Variants in DLAT observed in about 807,000 individuals in gnomAD.
DLAT encodes dihydrolipoamide S-acetyltransferase.
Under a neutral mutation model 68.0 loss-of-function variants are expected in DLAT, and 43 were observed. The ratio of observed to expected loss-of-function variants is 0.63; its 90% CI spans 0.50 to 0.81. The LOEUF is 0.81. DLAT is among the 40% of genes least tolerant of loss of function. DLAT has a pLI of 0.00. For synonymous variants in DLAT, 265 were observed against 288.6 expected (o/e 0.92, Z 0.83); for missense variants, 745 against 815.4 (o/e 0.91, Z 1.05).
Position 112,064,316 on chromosome 11 carries a change from G to A in DLAT, c.*1781G>A. The A allele has an allele frequency of 9.6e-7, 1 of 1,041,604 alleles. No individual in the cohort carries two copies. The highest frequency in any genetic ancestry group is 2.1e-5 in the South Asian group (1 of 48,096). 64.5% of individuals were successfully genotyped at this position (1,041,604 alleles called of 1,614,324 possible). On this transcript the variant is annotated 3_prime_UTR_variant, in exon 14 of 14. Transcript: ENST00000280346. Reference sequence around the variant, plus strand: ...TCTAAATCGATTCAGTCTCTTACCAGAACTGAAAGAAAAAAGTTAGAAATA... The same window carrying A: ...TCTAAATCGATTCAGTCTCTTACCAAAACTGAAAGAAAAAAGTTAGAAATA...
In DLAT at chr11:112,040,241, T is replaced by TA. The variant is rs373425394; in HGVS notation, c.1129+845dup. Reference sequence around the variant, plus strand: ...GTACTTATTTGGAATGGGGGGAAGTTATTATGCTTGGAACTTGGTTTGATG... The same window carrying TA: ...GTACTTATTTGGAATGGGGGGAAGTTAATTATGCTTGGAACTTGGTTTGATG... On this transcript the variant is annotated intron_variant, in intron 7 of 13. Coordinates refer to ENST00000280346, the MANE Select transcript of DLAT (RefSeq NM_001931.5). Among the ~76,000 whole-genome samples, 100 of 152,332 alleles carry TA rather than the reference T, an allele frequency of 6.6e-4. 2 individuals are homozygous for TA. Among genetic ancestry groups the TA allele is most frequent in the African/African-American group, 2.4e-3 (99 of 41,582 alleles).
Position 112,037,412 on chromosome 11 carries a change from C to T in DLAT, c.927C>T (p.Thr309=), listed in dbSNP as rs149969198. The change falls in exon 6 of 14, where the codon ACC becomes ACT. Residue 309 remains threonine (T), a synonymous_variant. Coordinates refer to ENST00000280346, the MANE Select transcript of DLAT (RefSeq NM_001931.5). ...CAGCATTTGCTGACTATAGGCCAAC[C>T]GAAGTAACAGATTTAAAACCACAAG... ...DISAFADYRP[T]EVTDLKPQVP... 35 of 1,614,032 alleles carry T rather than the reference C, an allele frequency of 2.2e-5. No homozygotes were observed. In the African/African-American group the frequency reaches 3.6e-4, roughly 17 times the overall value.
At chr11:112,046,221 G>A (rs1555181470) in intron 10 of DLAT, among the ~76,000 whole-genome samples, 1 of 151,972 alleles carries the variant, frequency 6.6e-6, no homozygotes, top group African/African-American at 2.4e-5. Flanking sequence ...TTATACTTTT[G>A]TTTCCTTGTA....
intron 4 of DLAT, chr11:112,029,822 G>A: frequency 3.5e-6 from 2 of 579,154 alleles, no homozygotes; most frequent in South Asian, 2.8e-5. Flanking sequence ...GCCTAATTCA[G>A]TCTTGGTCTG....
intron 11 of DLAT, among the ~76,000 whole-genome samples, chr11:112,052,194 C>T: frequency 6.6e-6 from 1 of 152,306 alleles, no homozygotes; most frequent in Non-Finnish European, 1.5e-5. Flanking sequence ...CACAGCACCG[C>T]TTCTGTGACC....
intron 7 of DLAT, 124 bp from the exon 8 acceptor site, chr11:112,043,342 G>A: frequency 1.1e-6 from 1 of 901,264 alleles, no homozygotes; most frequent in East Asian, 2.4e-5. Flanking sequence ...GGTTAAGGCT[G>A]TGAACCTTTC....
chr11:112,027,044 C>T (rs1207117798), intron 2 of DLAT, among the ~76,000 whole-genome samples: 41 of 150,486 alleles, frequency 2.7e-4, no homozygotes, highest in African/African-American at 1.0e-3. Flanking sequence ...CGGGGGCTGA[C>T]CCCCACCTCC....
intron 5 of DLAT, among the ~76,000 whole-genome samples, chr11:112,035,281 T>A (rs897419526): frequency 2.6e-5 from 4 of 152,224 alleles, no homozygotes; most frequent in African/African-American, 4.8e-5. Flanking sequence ...AGTTCTTTTC[T>A]ATCTTTTTGT....
In DLAT at chr11:112,061,110, C is replaced by G. The variant is rs782550786; in HGVS notation, c.1750C>G (p.Gln584Glu). The G allele has an allele frequency of 5.0e-6, 8 of 1,613,994 alleles. No homozygotes were observed. Among genetic ancestry groups the G allele is most frequent in the South Asian group, 1.1e-5 (1 of 91,066 alleles). Residue 584 changes from glutamine (Q) to glutamate (E), a missense_variant, in exon 13 of 14, where the codon CAA (glutamine) becomes GAA (glutamate). Coordinates refer to ENST00000280346, the MANE Select transcript of DLAT (RefSeq NM_001931.5). ...KNFSAIINPPQACILAIGASE... is the reference protein window; with the variant it reads ...KNFSAIINPPEACILAIGASE... Reference sequence around the variant, plus strand: ...TTTCTCTGCTATTATTAACCCACCTCAAGCATGTATTTTGGCAATTGGTGC... The same window carrying G: ...TTTCTCTGCTATTATTAACCCACCTGAAGCATGTATTTTGGCAATTGGTGC...
chr11:112,037,848 G>A lies in DLAT; in HGVS notation c.975+388G>A, dbSNP rs185757977. ...GCTGGAGTGCAGTGGTGCAATCATA[G>A]CTCACTTCATTGCCCATTTATTATT... is the stretch of plus-strand genomic sequence containing the variant. On this transcript the variant is annotated intron_variant, in intron 6 of 13. Transcript: ENST00000280346. 1.8e-4 allele frequency among the ~76,000 whole-genome samples: 27 copies of A among 150,324 alleles called. No homozygotes were observed. In the East Asian group the frequency reaches 2.7e-3, roughly 15 times the overall value.
intron 5 of DLAT, among the ~76,000 whole-genome samples, chr11:112,035,957 A>AT (rs71060206): frequency 1 from 147,332 of 147,760 alleles, 73,452 homozygotes; most frequent in Middle Eastern, 1. Context: ...TGCCTGGCTA[A>AT]TTTTTGTATT....
Position 112,025,469 on chromosome 11 carries a change from C to T in DLAT, c.-4C>T, listed in dbSNP as rs1861932097. The stretch of plus-strand genomic sequence containing the variant: ...GTTTTGGGGTGTGGGGGGTTGGTGG[C>T]ACTATGTGGCGCGTCTGTGCGCGAC... On this transcript the variant is annotated 5_prime_UTR_variant, in exon 1 of 14. Transcript: ENST00000280346. 6.2e-7 allele frequency: 1 copy of T among 1,611,520 alleles called. No homozygotes were observed. The highest frequency in any genetic ancestry group is 8.5e-7 in the Non-Finnish European group (1 of 1,179,492).
Position 112,061,125 on chromosome 11 carries a change from G to T in DLAT, c.1765G>T (p.Ala589Ser). 1 of 1,614,018 alleles carries T rather than the reference G, an allele frequency of 6.2e-7. No individual in the cohort carries two copies. Among genetic ancestry groups the T allele is most frequent in the Non-Finnish European group, 8.5e-7 (1 of 1,179,986 alleles). ...TAACCCACCTCAAGCATGTATTTTG[G>T]CAATTGGTGCTTCAGAGGATAAACT... ...IINPPQACIL[A>S]IGASEDKLVP... Residue 589 changes from alanine (A) to serine (S), a missense_variant, in exon 13 of 14, where the codon GCA becomes TCA. Coordinates refer to ENST00000280346, the MANE Select transcript of DLAT (RefSeq NM_001931.5).
At position 112,051,252 on chromosome 11, in the gene DLAT, A is replaced by G. The variant is rs1863613771; in HGVS notation, c.1417A>G (p.Lys473Glu). The stretch of plus-strand genomic sequence containing the variant: ...TTTCCAGATATTAGAAGGGAGAAGC[A>G]AAATTTCTGTCAATGACTTCATCAT... ...ELNKILEGRSKISVNDFIIKA... is the reference protein window; with the variant it reads ...ELNKILEGRSEISVNDFIIKA... Residue 473 changes from lysine (K) to glutamate (E), a missense_variant, in exon 11 of 14, where the codon AAA becomes GAA. By Grantham distance (56) the Lys-to-Glu change is moderately conservative (BLOSUM62 1). Coordinates refer to ENST00000280346, the MANE Select transcript of DLAT (RefSeq NM_001931.5). The surrounding 1 kb of genome is among the most constrained non-coding windows in gnomAD (Gnocchi z 4.3). 1 of 1,612,234 alleles carries G rather than the reference A, an allele frequency of 6.2e-7. No individual in the cohort carries two copies. The highest frequency in any genetic ancestry group is 8.5e-7 in the Non-Finnish European group (1 of 1,179,704).
chr11:112,041,647 C>T (rs879949682), intron 7 of DLAT, among the ~76,000 whole-genome samples: 8 of 152,102 alleles, frequency 5.3e-5, no homozygotes, highest in Non-Finnish European at 8.8e-5. Flanking sequence ...CTTTGGGAGG[C>T]CGAGGCAGGT....
intron 11 of DLAT, among the ~76,000 whole-genome samples, chr11:112,058,692 A>G (rs1864303980): frequency 1.3e-5 from 2 of 151,368 alleles, no homozygotes; most frequent in Admixed American, 1.3e-4. Context: ...ATAAATGTAG[A>G]GAACAGATCA....
intron 7 of DLAT, among the ~76,000 whole-genome samples, chr11:112,041,070 A>G (rs1014927324): frequency 6.6e-6 from 1 of 152,220 alleles, no homozygotes; most frequent in African/African-American, 2.4e-5. Flanking sequence ...TATGACCAAC[A>G]ATAAAGAATT....
rs1555183590 is a variant in DLAT at position 112,064,137 on chromosome 11, C to A, written c.*1602C>A. 1.3e-6 allele frequency: 2 copies of A among 1,513,574 alleles called. No individual in the cohort carries two copies. Among genetic ancestry groups the A allele is most frequent in the Middle Eastern group, 1.7e-4 (1 of 5,872 alleles). 93.8% of individuals were successfully genotyped at this position (1,513,574 alleles called of 1,614,324 possible). A position where few individuals can be genotyped will look rare whatever the true frequency, so the allele number is the denominator to read the frequency against. On this transcript the variant is annotated 3_prime_UTR_variant, in exon 14 of 14. Coordinates refer to ENST00000280346, the MANE Select transcript of DLAT (RefSeq NM_001931.5). ...AAACAAGCTTATCACAAGGGACCAT[C>A]ATCAATATGATCCAAATCTGGTTCA...
chr11:112,045,253 G>A (rs782352208), intron 9 of DLAT, 23 bp downstream of exon 9: 3 of 1,562,940 alleles, frequency 1.9e-6, no homozygotes, highest in Non-Finnish European at 2.6e-6. Flanking sequence ...CCATCATCTG[G>A]AATCAGCTGT....
Sources: gnomAD v4.1 joint callset for allele counts (sites outside exome capture counted in the v4.1 genomes callset) on GRCh38, gnomAD v4.1.1 for gene constraint, Gnocchi (gnomAD v3.1) non-coding constraint, MANE v1.5 for transcripts, NCBI Gene and HGNC (gene_info 2026-07-23, HGNC 2026-07-21) for gene names.